The following FNBP1 variants were observed in gnomAD, a reference collection of about 807,000 sequenced individuals.
FNBP1 encodes formin-binding protein 1.
A neutral mutation model predicts 90.6 loss-of-function variants in FNBP1; 26 were observed. That is an observed-to-expected ratio of 0.29 (90% confidence interval 0.21 to 0.40). FNBP1 has a LOEUF of 0.40. Ranked by LOEUF, FNBP1 falls within the 10% of genes least tolerant of loss-of-function variation. The pLI is 1.00. For synonymous variants in FNBP1, 260 were observed against 265.2 expected (o/e 0.98, Z 0.19); for missense variants, 635 against 768.0 (o/e 0.83, Z 2.05).
Position 129,981,065 on chromosome 9 carries a change from AAAG to A in FNBP1, c.141-1694_141-1692del, listed in dbSNP as rs1366517347. ...GACTCCGTCTCAAAAAAAAAAAAAA[AAAG>A]AGAAATAGCCATAGCATGTTTTCTT... On this transcript the variant is annotated intron_variant, in intron 2 of 16. Coordinates refer to ENST00000446176, the MANE Select transcript of FNBP1 (RefSeq NM_015033.3). 2.6e-5 allele frequency among the ~76,000 whole-genome samples: 4 copies of A among 151,628 alleles called. No individual in the cohort carries two copies. The South Asian group carries it at 8.3e-4, about 32-fold the overall frequency.
chr9:129,907,583 GTGTGTGTGTGTGTGTGT>G (rs2038364831), intron 12 of FNBP1, among the ~76,000 whole-genome samples: 2 of 3,278 alleles, frequency 6.1e-4, no homozygotes, highest in African/African-American at 1.7e-3. Context: ...GAGTGAGGGT[GTGTGTGTGTGTGTGTGT>G]GTGTGTGTGT....
intron 1 of FNBP1, among the ~76,000 whole-genome samples, chr9:130,004,752 C>T (rs1173023977): frequency 6.6e-6 from 1 of 152,134 alleles, no homozygotes. Flanking sequence ...GCTGCACTTA[C>T]AGAAACGTAG....
chr9:129,909,702 C>T (rs2038876090), intron 11 of FNBP1, among the ~76,000 whole-genome samples: 1 of 152,082 alleles, frequency 6.6e-6, no homozygotes, highest in Admixed American at 6.6e-5. Flanking sequence ...CAGCTCACTG[C>T]AACCTCTGCC....
At chr9:129,937,880 A>T (rs1167797857) in intron 6 of FNBP1, among the ~76,000 whole-genome samples, 1 of 151,732 alleles carries the variant, frequency 6.6e-6, no homozygotes. Flanking sequence ...ATTTTAAAAA[A>T]GGCTGGCCGC....
intron 4 of FNBP1, among the ~76,000 whole-genome samples, chr9:129,965,796 GGGGGGAA>G (rs768459606): frequency 1.7e-3 from 230 of 132,796 alleles, no homozygotes; most frequent in East Asian, 4.0e-3. Flanking sequence ...GAGGGAGGGA[GGGGGGAA>G]GGAGGGAGGG....
At position 130,042,331 on chromosome 9, in the gene FNBP1, C is replaced by CCCA. The variant is rs2059900162; in HGVS notation, c.24+618_24+620dup. On this transcript the variant is annotated intron_variant, in intron 1 of 16. Transcript: ENST00000446176. The surrounding 1 kb of genome is among the most constrained non-coding windows in gnomAD (Gnocchi z 5.5). ...CCCCTCCAGACCAGACGTCGCAGTG[C>CCCA]CCACATCCCACTCAGGATTGAGCTA... 6.6e-6 allele frequency among the ~76,000 whole-genome samples: 1 copy of CCCA among 152,174 alleles called. No homozygotes were observed. The highest frequency in any genetic ancestry group is 2.4e-5 in the African/African-American group (1 of 41,436).
chr9:129,955,463 T>C (rs1487192614), intron 6 of FNBP1, among the ~76,000 whole-genome samples: 1 of 151,252 alleles, frequency 6.6e-6, no homozygotes, highest in African/African-American at 2.4e-5. Context: ...TCTGAACTCC[T>C]GGACTCAAAC....
intron 2 of FNBP1, among the ~76,000 whole-genome samples, chr9:129,990,334 G>T (rs936820468): frequency 2.0e-5 from 3 of 152,204 alleles, no homozygotes; most frequent in Non-Finnish European, 4.4e-5. Context: ...CAGGCTAAGT[G>T]GGCTAAGGGA....
intron 6 of FNBP1, among the ~76,000 whole-genome samples, chr9:129,942,673 T>C (rs1382020513): frequency 6.6e-6 from 1 of 152,162 alleles, no homozygotes; most frequent in African/African-American, 2.4e-5. Flanking sequence ...TAATGGTAAT[T>C]TCACATTTTA....
At chr9:129,951,912 C>G (rs1038723159) in intron 6 of FNBP1, among the ~76,000 whole-genome samples, 1 of 151,858 alleles carries the variant, frequency 6.6e-6, no homozygotes, top group African/African-American at 2.4e-5. Flanking sequence ...CAAGCTAAGG[C>G]TGGGTGTGGT....
At chr9:129,926,033 G>A (rs10124109) in intron 8 of FNBP1, among the ~76,000 whole-genome samples, 111,067 of 151,898 alleles carry the variant, frequency 0.73, 40,892 homozygotes, top group East Asian at 0.88. Flanking sequence ...GTGCAGTGGC[G>A]TGATCTTGGC....
At chr9:129,898,707 C>G (rs958325477) in intron 15 of FNBP1, among the ~76,000 whole-genome samples, 20 of 152,070 alleles carry the variant, frequency 1.3e-4, no homozygotes, top group African/African-American at 4.3e-4. Flanking sequence ...CCAGGATGGT[C>G]TCGATCTCCT....
chr9:129,908,783 C>A (rs1206394683), intron 12 of FNBP1, 107 bp downstream of exon 12: 1 of 679,236 alleles, frequency 1.5e-6, no homozygotes, highest in African/African-American at 1.8e-5. Flanking sequence ...GATCTCTTGA[C>A]CTCAGGTGAT....
the FNBP1 span, among the ~76,000 whole-genome samples, chr9:130,052,237 C>G: frequency 2.0e-5 from 3 of 152,048 alleles, no homozygotes; most frequent in Non-Finnish European, 4.4e-5. Context: ...CCTCTTAAAC[C>G]CCTGGACAGA....
Position 129,890,237 on chromosome 9 carries a change from A to C in FNBP1, c.*302T>G. 8.1e-6 allele frequency: 4 copies of C among 496,294 alleles called. No individual in the cohort carries two copies. The South Asian group carries it at 1.2e-4, about 15-fold the overall frequency. The allele number at this position is 496,294 out of a possible 1,614,324, so 30.7% of individuals were successfully genotyped here. ...CGGGTGGACTGAGGGCCCAGGAAGG[A>C]GCAGGTAGGGGCGTGTGTCCCACCG... On this transcript the variant is annotated 3_prime_UTR_variant, in exon 17 of 17. Transcript: ENST00000446176. This position sits in a 1 kb window ranked among gnomAD's most constrained non-coding sequence, Gnocchi z 5.8.
intron 6 of FNBP1, among the ~76,000 whole-genome samples, chr9:129,953,471 C>T (rs1011624905): frequency 1.3e-5 from 2 of 151,830 alleles, no homozygotes; most frequent in Non-Finnish European, 2.9e-5. Flanking sequence ...GCCTGGGTGA[C>T]AGAATGAGAC....
At chr9:129,891,647 T>C (rs1354651344) in intron 16 of FNBP1, among the ~76,000 whole-genome samples, 1 of 152,056 alleles carries the variant, frequency 6.6e-6, no homozygotes, top group African/African-American at 2.4e-5. Context: ...GCTCTTCATC[T>C]CAAGGAGAGA....
At chr9:129,979,436 A>C (rs1332375068) in intron 2 of FNBP1, 62 bp from the exon 3 acceptor site, 1 of 1,196,736 alleles carries the variant, frequency 8.4e-7, no homozygotes, top group African/African-American at 1.5e-5. Context: ...ATCAGGAATG[A>C]AAGATAACAT....
chr9:129,907,740 T>C (rs2038410140), intron 12 of FNBP1, among the ~76,000 whole-genome samples: 1 of 152,088 alleles, frequency 6.6e-6, no homozygotes, highest in African/African-American at 2.4e-5. Flanking sequence ...TTTTTTTGTT[T>C]TGTTTTGAGA....
Sources: gnomAD v4.1 joint callset for allele counts (sites outside exome capture counted in the v4.1 genomes callset) on GRCh38, gnomAD v4.1.1 for gene constraint, Gnocchi (gnomAD v3.1) non-coding constraint, MANE v1.5 for transcripts, NCBI Gene and HGNC (gene_info 2026-07-23, HGNC 2026-07-21) for gene names.